The following POU2AF2 variants were observed in gnomAD, a reference collection of about 807,000 sequenced individuals.
POU2AF2 encodes POU domain class 2-associating factor 2.
the POU2AF2 span, among the ~76,000 whole-genome samples, chr11:111,282,629 G>A: frequency 6.6e-6 from 1 of 152,240 alleles, no homozygotes; most frequent in Admixed American, 6.5e-5. Context: ...TGTGACTCAG[G>A]TGAAAGAGGA....
chr11:111,261,566 T>C, the POU2AF2 span, among the ~76,000 whole-genome samples: 9,996 of 151,948 alleles, frequency 0.066, 1,144 homozygotes, highest in African/African-American at 0.23. Context: ...TCAGCTGACA[T>C]GAGGGGGGAA....
At chr11:111,260,247 ACATGCT>A in the POU2AF2 span, among the ~76,000 whole-genome samples, 1 of 152,148 alleles carries the variant, frequency 6.6e-6, no homozygotes, top group Non-Finnish European at 1.5e-5. Context: ...CATTCATTAG[ACATGCT>A]CAAAATTTGC....
At chr11:111,264,572 GAAAGGGA>G in the POU2AF2 span, among the ~76,000 whole-genome samples, 2 of 26,320 alleles carry the variant, frequency 7.6e-5, no homozygotes, top group East Asian at 7.0e-4. Flanking sequence ...AAGAAAGAAA[GAAAGGGA>G]GAGAGAAAGA....
chr11:111,276,453 A>AAAAAAAATATATATAT, the POU2AF2 span, among the ~76,000 whole-genome samples: 28 of 37,564 alleles, frequency 7.5e-4, no homozygotes, highest in South Asian at 2.2e-3. Context: ...AAAAAAAAAA[A>AAAAAAAATATATATAT]ATATATATAT....
At chr11:111,284,657 T>C in the POU2AF2 span, among the ~76,000 whole-genome samples, 1 of 152,222 alleles carries the variant, frequency 6.6e-6, no homozygotes, top group African/African-American at 2.4e-5. Flanking sequence ...TCTACTGATA[T>C]TGCCTGATGT....
chr11:111,246,779 A>G, the POU2AF2 span, among the ~76,000 whole-genome samples: 1 of 152,334 alleles, frequency 6.6e-6, no homozygotes, highest in East Asian at 1.9e-4. Context: ...AGTGAAACAG[A>G]TTAATATATC....
the POU2AF2 span, among the ~76,000 whole-genome samples, chr11:111,259,569 G>GC: frequency 1.3e-5 from 2 of 151,996 alleles, no homozygotes; most frequent in Admixed American, 1.3e-4. Flanking sequence ...ACCCACCTCG[G>GC]CCCCCCAAAG....
the POU2AF2 span, chr11:111,256,047 C>T: frequency 5.0e-6 from 2 of 398,998 alleles, no homozygotes; most frequent in South Asian, 1.3e-4. Context: ...TCAAAGATCT[C>T]CTGGCAGAAA....
chr11:111,256,607 C>A, the POU2AF2 span, among the ~76,000 whole-genome samples: 1 of 152,214 alleles, frequency 6.6e-6, no homozygotes, highest in African/African-American at 2.4e-5. Context: ...CTTCTGGACC[C>A]AATATGAAAT....
the POU2AF2 span, among the ~76,000 whole-genome samples, chr11:111,259,534 T>C: frequency 6.6e-6 from 1 of 152,124 alleles, no homozygotes; most frequent in Non-Finnish European, 1.5e-5. Flanking sequence ...CAGACTGGTC[T>C]TGAACTCCTG....
At chr11:111,258,172 G>C in the POU2AF2 span, among the ~76,000 whole-genome samples, 1 of 151,620 alleles carries the variant, frequency 6.6e-6, no homozygotes, top group East Asian at 1.9e-4. Flanking sequence ...AGTCTCTTGA[G>C]AGAGAGAGAG....
chr11:111,276,625 G>A, the POU2AF2 span, among the ~76,000 whole-genome samples: 45 of 142,146 alleles, frequency 3.2e-4, no homozygotes, highest in African/African-American at 1.1e-3. Context: ...CTGGGTGACA[G>A]TGTGAGATTC....
At chr11:111,284,257 G>A in the POU2AF2 span, 1 of 1,614,190 alleles carries the variant, frequency 6.2e-7, no homozygotes, top group Non-Finnish European at 8.5e-7. Flanking sequence ...TCCCCCAGGA[G>A]CCCTACGGAG....
At chr11:111,264,372 T>C in the POU2AF2 span, among the ~76,000 whole-genome samples, 1 of 151,910 alleles carries the variant, frequency 6.6e-6, no homozygotes, top group African/African-American at 2.4e-5. Context: ...GGTGTGCACC[T>C]GTAATCCCAG....
chr11:111,277,156 G>A, the POU2AF2 span, among the ~76,000 whole-genome samples: 1 of 152,180 alleles, frequency 6.6e-6, no homozygotes, highest in South Asian at 2.1e-4. Context: ...TTGTTTGTAG[G>A]TTTTGTTAAA....
At chr11:111,286,286 A>G in the POU2AF2 span, 85 of 487,520 alleles carry the variant, frequency 1.7e-4, 1 homozygote, top group South Asian at 2.6e-3. Flanking sequence ...TAACCTTACA[A>G]TGTGGTCTTT....
the POU2AF2 span, among the ~76,000 whole-genome samples, chr11:111,255,723 C>A: frequency 6.6e-6 from 1 of 152,152 alleles, no homozygotes; most frequent in Non-Finnish European, 1.5e-5. Flanking sequence ...AGTCAGAGTA[C>A]AAGGAAGGGA....
At chr11:111,284,013 C>T in the POU2AF2 span, 7 of 1,480,852 alleles carry the variant, frequency 4.7e-6, no homozygotes, top group Non-Finnish European at 6.5e-6. Flanking sequence ...GACTCAGCTG[C>T]AACCGAGGCC....
the POU2AF2 span, among the ~76,000 whole-genome samples, chr11:111,254,356 C>A: frequency 1.3e-5 from 2 of 152,198 alleles, no homozygotes; most frequent in Non-Finnish European, 2.9e-5. Context: ...TGAAATAAGG[C>A]TGCATGTGGC....
Sources: allele counts gnomAD v4.1 joint callset (sites outside exome capture counted in the v4.1 genomes callset), GRCh38; gene constraint gnomAD v4.1.1; transcripts MANE v1.5; gene names NCBI Gene and HGNC (gene_info 2026-07-23, HGNC 2026-07-21).